Variants in RUNX2 observed in about 807,000 individuals in gnomAD.
RUNX2 encodes the protein RUNX family transcription factor 2, also known as runt-related transcription factor 2.
Under a neutral mutation model 51.7 loss-of-function variants are expected in RUNX2, and 10 were observed. The ratio of observed to expected loss-of-function variants is 0.19; its 90% CI spans 0.12 to 0.33. The LOEUF (loss-of-function observed/expected upper bound fraction) is 0.33. Among genes scored for constraint, RUNX2 ranks in the 10% least tolerant of loss-of-function variants. RUNX2 has a pLI of 1.00. For synonymous variants in RUNX2, 276 were observed against 273.6 expected (o/e 1.01, Z -0.09); for missense variants, 562 against 691.3 (o/e 0.81, Z 2.10).
chr6:45,512,005 T>C (rs1053441006), intron 6 of RUNX2, among the ~76,000 whole-genome samples: 2 of 152,292 alleles, frequency 1.3e-5, no homozygotes, highest in East Asian at 1.9e-4. Context: ...AAATAGTCTT[T>C]ATGCATCATC....
intron 5 of RUNX2, among the ~76,000 whole-genome samples, chr6:45,442,649 GT>G (rs1486809566): frequency 6.6e-6 from 1 of 152,156 alleles, no homozygotes; most frequent in Non-Finnish European, 1.5e-5. Flanking sequence ...TTTTTTAGTT[GT>G]CTATTACTAA....
intron 4 of RUNX2, 77 bp downstream of exon 4, chr6:45,432,096 TAC>T (rs1207633554): frequency 2.2e-6 from 3 of 1,343,884 alleles, no homozygotes; most frequent in Non-Finnish European, 3.2e-6. Flanking sequence ...CTAGTCTGTA[TAC>T]AAATCAGCAC....
At chr6:45,432,509 G>GT (rs968222837) in intron 4 of RUNX2, among the ~76,000 whole-genome samples, 41 of 151,184 alleles carry the variant, frequency 2.7e-4, no homozygotes, top group East Asian at 5.8e-4. Context: ...AAAAACCATG[G>GT]TTTTTTTTTA....
chr6:45,411,978 T>A (rs1797960419), intron 2 of RUNX2, among the ~76,000 whole-genome samples: 1 of 152,098 alleles, frequency 6.6e-6, no homozygotes, highest in Non-Finnish European at 1.5e-5. Context: ...ATAATGTCAC[T>A]CAATAGCATT....
At chr6:45,332,906 C>T (rs1387948850) in intron 2 of RUNX2, among the ~76,000 whole-genome samples, 1 of 151,656 alleles carries the variant, frequency 6.6e-6, no homozygotes, top group Non-Finnish European at 1.5e-5. Context: ...CCTTAATGTA[C>T]TATTTTTTCT....
intron 7 of RUNX2, among the ~76,000 whole-genome samples, chr6:45,512,664 C>A (rs1392540219): frequency 6.6e-6 from 1 of 152,136 alleles, no homozygotes; most frequent in Non-Finnish European, 1.5e-5. Flanking sequence ...TAGTGTCCTG[C>A]TGAATTGTAT....
At chr6:45,425,132 C>T (rs1053095024) in intron 3 of RUNX2, among the ~76,000 whole-genome samples, 2 of 151,976 alleles carry the variant, frequency 1.3e-5, no homozygotes, top group African/African-American at 4.8e-5. Flanking sequence ...TGCACAATGC[C>T]ACAAATCAGA....
At chr6:45,371,247 T>C (rs977257146) in intron 2 of RUNX2, among the ~76,000 whole-genome samples, 5 of 152,164 alleles carry the variant, frequency 3.3e-5, no homozygotes, top group Non-Finnish European at 7.3e-5. Context: ...GAATTCTGCA[T>C]TAAACATAAA....
intron 2 of RUNX2, among the ~76,000 whole-genome samples, chr6:45,344,778 T>C (rs1016411528): frequency 6.6e-6 from 1 of 152,066 alleles, no homozygotes; most frequent in African/African-American, 2.4e-5. Context: ...AGAAATATAC[T>C]TGGTGGACCT....
intron 2 of RUNX2, among the ~76,000 whole-genome samples, chr6:45,384,785 A>G (rs567110582): frequency 2.2e-5 from 3 of 139,240 alleles, no homozygotes; most frequent in East Asian, 2.1e-4. Flanking sequence ...TGGCACAATC[A>G]TAGCTCACTG....
chr6:45,365,099 A>C, intron 2 of RUNX2: 1 of 756,066 alleles, frequency 1.3e-6, no homozygotes, highest in Non-Finnish European at 2.0e-6. Context: ...TTAATAACAA[A>C]TTATTTCCAA....
intron 7 of RUNX2, among the ~76,000 whole-genome samples, chr6:45,524,425 A>T (rs1241968935): frequency 6.6e-6 from 1 of 152,170 alleles, no homozygotes; most frequent in Non-Finnish European, 1.5e-5. Context: ...GACTAGGAGG[A>T]GCCCTGTGCT....
chr6:45,547,195 A>C lies in RUNX2; in HGVS notation c.1456A>C (p.Asn486His), dbSNP rs1802429000. 6.2e-7 allele frequency: 1 copy of C among 1,613,860 alleles called. No individual in the cohort carries two copies. The highest frequency in any genetic ancestry group is 1.3e-5 in the African/African-American group (1 of 74,856). The stretch of plus-strand genomic sequence containing the variant: ...GAATGGCAGCACGCTATTAAATCCA[A>C]ATTTGCCTAACCAGAATGATGGTGT... ...TSNGSTLLNP[N>H]LPNQNDGVDA... The change falls in exon 9 of 9, where the codon AAT (asparagine) becomes CAT (histidine). Residue 486 changes from asparagine (N) to histidine (H), a missense_variant. By Grantham distance (68) the Asn-to-His change is moderately conservative. Coordinates refer to ENST00000647337, the MANE Select transcript of RUNX2 (RefSeq NM_001024630.4).
intron 5 of RUNX2, among the ~76,000 whole-genome samples, chr6:45,443,787 G>C (rs993318629): frequency 6.6e-6 from 1 of 152,158 alleles, no homozygotes; most frequent in Admixed American, 6.5e-5. Flanking sequence ...ACAAAAAGAA[G>C]TATGAGCCTT....
intron 2 of RUNX2, among the ~76,000 whole-genome samples, chr6:45,367,436 CAT>C (rs1795331034): frequency 1.3e-5 from 2 of 151,346 alleles, no homozygotes; most frequent in Non-Finnish European, 2.9e-5. Context: ...GGAAAAGAAA[CAT>C]AACCATTTGA....
chr6:45,504,427 G>A (rs1019640061), intron 6 of RUNX2, among the ~76,000 whole-genome samples: 3 of 152,158 alleles, frequency 2.0e-5, no homozygotes, highest in African/African-American at 4.8e-5. Flanking sequence ...TAAATTATTC[G>A]TCCAAGCCTG....
At chr6:45,339,205 T>C (rs1422826418) in intron 2 of RUNX2, among the ~76,000 whole-genome samples, 1 of 152,164 alleles carries the variant, frequency 6.6e-6, no homozygotes, top group African/African-American at 2.4e-5. Flanking sequence ...AAGAATTCAC[T>C]AGCCTATACA....
chr6:45,494,242 C>T (rs1371795691), intron 6 of RUNX2, among the ~76,000 whole-genome samples: 1 of 152,220 alleles, frequency 6.6e-6, no homozygotes, highest in East Asian at 1.9e-4. Context: ...GTGTGGCCAC[C>T]TCCACAGGCC....
chr6:45,530,467 A>G (rs1425698902), intron 7 of RUNX2, among the ~76,000 whole-genome samples: 2 of 152,228 alleles, frequency 1.3e-5, no homozygotes, highest in Non-Finnish European at 2.9e-5. Flanking sequence ...TACAAGTACA[A>G]TCTGTGAGTT....
Sources: gnomAD v4.1 joint callset for allele counts (sites outside exome capture counted in the v4.1 genomes callset) on GRCh38, gnomAD v4.1.1 for gene constraint, MANE v1.5 for transcripts, NCBI Gene and HGNC (gene_info 2026-07-23, HGNC 2026-07-21) for gene names.